The following NBEAL1 variants were observed in gnomAD, a reference collection of about 807,000 sequenced individuals.
The protein encoded by NBEAL1 is neurobeachin-like protein 1.
NBEAL1 carries 273 observed loss-of-function variants against 351.3 expected under a neutral mutation model. That is an observed-to-expected ratio of 0.78 (90% CI 0.70 to 0.86). The LOEUF (loss-of-function observed/expected upper bound fraction) is 0.86. Among genes scored for constraint, NBEAL1 ranks in the 40% least tolerant of loss-of-function variants. The pLI is 0.00. For synonymous variants in NBEAL1, 1,050 were observed against 1,086.4 expected (o/e 0.97, Z 0.66); for missense variants, 2,961 against 3,201.3 (o/e 0.92, Z 1.81).
Position 203,049,799 on chromosome 2 carries a change from C to G in NBEAL1, c.144-15C>G. The G allele has an allele frequency of 6.7e-7, 1 of 1,492,340 alleles. No individual in the cohort carries two copies. The highest frequency in any genetic ancestry group is 8.9e-7 in the Non-Finnish European group (1 of 1,118,106). 92.4% of individuals were successfully genotyped at this position (1,492,340 alleles called of 1,614,324 possible). A position where few individuals can be genotyped will look rare whatever the true frequency, so the allele number is the denominator to read the frequency against. On this transcript the variant is annotated splice_polypyrimidine_tract_variant and intron_variant, in intron 3 of 55. Coordinates refer to ENST00000683969, the MANE Select transcript of NBEAL1 (RefSeq NM_001378026.1). ...ATTTCAACAGGCTTCTTATTTTTTT[C>G]CCTTTCTGTTGTAGGGTAGATGATA...
At chr2:203,119,906 G>A (rs1221520917) in intron 18 of NBEAL1, among the ~76,000 whole-genome samples, 1 of 152,098 alleles carries the variant, frequency 6.6e-6, no homozygotes, top group East Asian at 1.9e-4. Flanking sequence ...TGCTCCAGAG[G>A]ATTTTTAAAA....
intron 27 of NBEAL1, among the ~76,000 whole-genome samples, chr2:203,134,938 A>T (rs2063163915): frequency 6.6e-6 from 1 of 152,098 alleles, no homozygotes; most frequent in Non-Finnish European, 1.5e-5. Flanking sequence ...CACTTTGGGA[A>T]GCCGAGGCAG....
chr2:203,088,249 A>C (rs2062004161), intron 10 of NBEAL1, among the ~76,000 whole-genome samples: 1 of 152,230 alleles, frequency 6.6e-6, no homozygotes, highest in Non-Finnish European at 1.5e-5. Context: ...TTTGAAAATT[A>C]GGATTCATTA....
At chr2:203,032,660 CTTTTTTTTTTTT>C (rs747309074) in intron 2 of NBEAL1, among the ~76,000 whole-genome samples, 1 of 70,142 alleles carries the variant, frequency 1.4e-5, no homozygotes, top group Non-Finnish European at 2.5e-5. Flanking sequence ...GAAATTGTAG[CTTTTTTTTTTTT>C]TTTTTTTTTT....
chr2:203,137,271 GA>G (rs780750118), intron 29 of NBEAL1, among the ~76,000 whole-genome samples: 6 of 152,158 alleles, frequency 3.9e-5, no homozygotes, highest in Admixed American at 6.5e-5. Context: ...AAAATTATGA[GA>G]TTTTTTTGTG....
chr2:203,115,284 C>A (rs1004120618), intron 17 of NBEAL1, among the ~76,000 whole-genome samples: 2 of 151,854 alleles, frequency 1.3e-5, no homozygotes, highest in African/African-American at 4.8e-5. Flanking sequence ...CCACGCCCAG[C>A]TAATTTTTTA....
intron 31 of NBEAL1, among the ~76,000 whole-genome samples, chr2:203,140,345 A>T (rs879474226): frequency 1.3e-5 from 2 of 152,074 alleles, no homozygotes; most frequent in African/African-American, 4.8e-5. Context: ...AGAGGAAAAA[A>T]TAAATAATTC....
At chr2:203,052,696 A>G (rs1461168475) in intron 4 of NBEAL1, among the ~76,000 whole-genome samples, 1 of 151,514 alleles carries the variant, frequency 6.6e-6, no homozygotes, top group Non-Finnish European at 1.5e-5. Context: ...AGCTGAGACT[A>G]CAGGTACATG....
At chr2:203,128,639 C>T (rs2063002455) in intron 24 of NBEAL1, among the ~76,000 whole-genome samples, 1 of 145,786 alleles carries the variant, frequency 6.9e-6, no homozygotes, top group Non-Finnish European at 1.5e-5. Context: ...TGTTCTGTCA[C>T]CAGGCTGGAG....
intron 47 of NBEAL1, among the ~76,000 whole-genome samples, chr2:203,194,364 G>A (rs774907651): frequency 1.5e-4 from 23 of 152,022 alleles, no homozygotes; most frequent in Non-Finnish European, 2.9e-4. Context: ...AAATTCAAAT[G>A]TTTAAATATA....
rs77596386 is a variant in NBEAL1 at position 203,101,627 on chromosome 2, G to A, written c.1269+1915G>A. On this transcript the variant is annotated intron_variant, in intron 12 of 55. Coordinates refer to ENST00000683969, the MANE Select transcript of NBEAL1 (RefSeq NM_001378026.1). The stretch of plus-strand genomic sequence containing the variant: ...TTTTTTCTCTTTGAGACAGAGTCTC[G>A]TTCTCTCACCCAGGTTAGAGTGTAG... Among the ~76,000 whole-genome samples, 477 of 152,094 alleles carry A rather than the reference G, an allele frequency of 3.1e-3. 7 individuals are homozygous for A. The highest frequency in any genetic ancestry group is 9.7e-3 in the African/African-American group (401 of 41,490).
rs752586533 is a variant in NBEAL1 at position 203,209,306 on chromosome 2, A to G, written c.7769A>G (p.Glu2590Gly). ...ATTGTTGTCTACTCCAGCACTGAAGAAAAGACCACCCTCAAGGTATATGAC... is the reference window on the plus strand; with the variant it reads ...ATTGTTGTCTACTCCAGCACTGAAGGAAAGACCACCCTCAAGGTATATGAC... ...GHIVVYSSTE[E>G]KTTLKDKNAL... The change falls in exon 53 of 56, where the codon GAA (glutamate) becomes GGA (glycine). Residue 2590 changes from glutamate (E) to glycine (G), a missense_variant. Glu to Gly is a moderately conservative substitution (Grantham distance 98). Coordinates refer to ENST00000683969, the MANE Select transcript of NBEAL1 (RefSeq NM_001378026.1). 4 of 1,613,756 alleles carry G rather than the reference A, an allele frequency of 2.5e-6. No homozygotes were observed. Among genetic ancestry groups the G allele is most frequent in the Non-Finnish European group, 3.4e-6 (4 of 1,179,722 alleles).
intron 6 of NBEAL1, chr2:203,061,816 G>A (rs960363379): frequency 5.9e-6 from 1 of 168,886 alleles, no homozygotes; most frequent in Non-Finnish European, 1.3e-5. Context: ...TACATTTATA[G>A]GGTTGTTTTC....
chr2:203,187,249 G>A (rs754655630), intron 44 of NBEAL1, among the ~76,000 whole-genome samples: 21 of 151,636 alleles, frequency 1.4e-4, no homozygotes, highest in Non-Finnish European at 2.8e-4. Flanking sequence ...GTAGAGAGTG[G>A]GTTTCGCCAT....
intron 2 of NBEAL1, among the ~76,000 whole-genome samples, chr2:203,017,075 C>G (rs2060693540): frequency 6.6e-6 from 1 of 152,184 alleles, no homozygotes; most frequent in African/African-American, 2.4e-5. Context: ...ATTTTTGTCA[C>G]TCAGAAATAA....
chr2:203,026,280 T>C (rs2060855053), intron 2 of NBEAL1, among the ~76,000 whole-genome samples: 1 of 152,178 alleles, frequency 6.6e-6, no homozygotes, highest in African/African-American at 2.4e-5. Flanking sequence ...TTTATTACCT[T>C]ATTCATTTTT....
intron 31 of NBEAL1, among the ~76,000 whole-genome samples, chr2:203,140,091 C>T (rs868733827): frequency 6.6e-6 from 1 of 151,412 alleles, no homozygotes; most frequent in African/African-American, 2.4e-5. Context: ...ACCTGAGGTC[C>T]GAAGTTTGAG....
chr2:203,120,246 T>C (rs1321905778), intron 18 of NBEAL1, among the ~76,000 whole-genome samples: 4 of 152,216 alleles, frequency 2.6e-5, no homozygotes, highest in Admixed American at 2.0e-4. Context: ...TATGGTATTA[T>C]TGGTTATCTT....
intron 41 of NBEAL1, among the ~76,000 whole-genome samples, chr2:203,173,772 T>C (rs1417929291): frequency 8.5e-5 from 13 of 152,102 alleles, no homozygotes; most frequent in Admixed American, 8.5e-4. Flanking sequence ...AAGATACAAG[T>C]TGTTTTACAT....
Sources: allele counts gnomAD v4.1 joint callset (sites outside exome capture counted in the v4.1 genomes callset), GRCh38; gene constraint gnomAD v4.1.1; transcripts MANE v1.5; gene names NCBI Gene and HGNC (gene_info 2026-07-23, HGNC 2026-07-21).